Variants in ZFTA observed in about 807,000 individuals in gnomAD.
ZFTA encodes zinc finger translocation-associated protein.
A neutral mutation model predicts 41.8 loss-of-function variants in ZFTA; 35 were observed. The observed-to-expected ratio is 0.84, with a 90% CI of 0.64 to 1.11. The LOEUF is 1.11. Ranked by LOEUF, ZFTA falls within the 50% of genes most tolerant of loss-of-function variation. The probability of loss-of-function intolerance (pLI) is 0.00; values close to 1 mark genes in which losing one functional copy is unlikely to be tolerated. For missense variants in ZFTA, 964 were observed against 989.8 expected, an observed-to-expected ratio of 0.97 and a Z score of 0.35; for synonymous variants, 514 against 436.4, an observed-to-expected ratio of 1.18 and a Z score of -2.22.
Position 63,764,602 on chromosome 11 carries a change from T to C in ZFTA, c.1025-4A>G. 2.4e-6 allele frequency: 3 copies of C among 1,255,818 alleles called. No individual in the cohort carries two copies. The highest frequency in any genetic ancestry group is 3.0e-6 in the Non-Finnish European group (3 of 997,822). 77.8% of individuals were successfully genotyped at this position (1,255,818 alleles called of 1,614,324 possible). A position where few individuals can be genotyped will look rare whatever the true frequency, so the allele number is the denominator to read the frequency against. On this transcript the variant is annotated splice_polypyrimidine_tract_variant and splice_region_variant and intron_variant, in intron 3 of 4. Coordinates refer to ENST00000433688, the MANE Select transcript of ZFTA (RefSeq NM_001144936.2). ...TCCTGGGGGGCGAGGTCATCGCCTG[T>C]TGGGGAAGGGGTGAGGGAGAGGGGC... is the stretch of plus-strand genomic sequence containing the variant.
chr11:63,765,255 C>G lies in ZFTA; in HGVS notation c.638-1G>C. ...CAGCCCCCACCAGCTGGGGCTTTGC[C>G]TGAAAGGGTTGGAGGGAAGGAACTG... On this transcript the variant is annotated splice_acceptor_variant, in intron 2 of 4. Transcript: ENST00000433688. LOFTEE classifies it high-confidence loss of function. This position sits in a 1 kb window ranked among gnomAD's most constrained non-coding sequence, Gnocchi z 4.0. 6.9e-7 allele frequency: 1 copy of G among 1,448,348 alleles called. No homozygotes were observed. Among genetic ancestry groups the G allele is most frequent in the East Asian group, 2.6e-5 (1 of 38,760 alleles). 89.7% of individuals were successfully genotyped at this position (1,448,348 alleles called of 1,614,324 possible).
Position 63,766,304 on chromosome 11 carries a change from C to A in ZFTA, c.140G>T (p.Gly47Val). 1 of 1,435,020 alleles carries A rather than the reference C, an allele frequency of 7.0e-7. No individual in the cohort carries two copies. The highest frequency in any genetic ancestry group is 9.1e-7 in the Non-Finnish European group (1 of 1,099,904). 88.9% of individuals were successfully genotyped at this position (1,435,020 alleles called of 1,614,324 possible). The change falls in exon 2 of 5, where the codon GGG becomes GTG. Residue 47 changes from glycine to valine, a missense_variant and splice_region_variant. By Grantham distance (109) the Gly-to-Val change is moderately radical. Transcript: ENST00000433688. ...GSAEPEEDEG[G>V]QDLQLEGGAL... ...ACCCCCTTCCAGCTGAAGATCTTGC[C>A]CTGAAGAAGGGGAAAGGGAGACAGT...
intron 3 of ZFTA, 72 bp from the exon 4 acceptor site, chr11:63,764,670 C>T: frequency 1.5e-6 from 2 of 1,290,840 alleles, no homozygotes; most frequent in Non-Finnish European, 2.0e-6. Flanking sequence ...CAGAGGGGTC[C>T]ATCCTGGCTC....
rs1437460249 is a variant in ZFTA at position 63,765,617 on chromosome 11, T to A, written c.637+190A>T. Among the ~76,000 whole-genome samples, 2 of 152,120 alleles carry A rather than the reference T, an allele frequency of 1.3e-5. No individual in the cohort carries two copies. Among genetic ancestry groups the A allele is most frequent in the Non-Finnish European group, 2.9e-5 (2 of 68,028 alleles). ...AAACCACAGAATGTACAAGCTGTCATGGACATCGGAGACCCTCTCACCCCA... is the reference window on the plus strand; with the variant it reads ...AAACCACAGAATGTACAAGCTGTCAAGGACATCGGAGACCCTCTCACCCCA... On this transcript the variant is annotated intron_variant, in intron 2 of 4. Transcript: ENST00000433688. This position sits in a 1 kb window ranked among gnomAD's most constrained non-coding sequence, Gnocchi z 4.0.
In ZFTA at chr11:63,766,069, C is replaced by T. The variant is rs1167676441; in HGVS notation, c.375G>A (p.Val125=). The T allele has an allele frequency of 2.6e-6, 4 of 1,544,790 alleles. No individual in the cohort carries two copies. The highest frequency in any genetic ancestry group is 1.4e-5 in the African/African-American group (1 of 73,008). ...CCAGGGAGCTGCCGCACACCATGCA[C>T]ACCATGCCGTGCCGGGCAGGGTTGA... ...MDFNPARHGM[V]CMVCGSSLAT... The change falls in exon 2 of 5, where the codon GTG becomes GTA. Residue 125 remains valine (V), a synonymous_variant. Coordinates refer to ENST00000433688, the MANE Select transcript of ZFTA (RefSeq NM_001144936.2).
chr11:63,763,369 C>T lies in ZFTA; in HGVS notation c.*49G>A. 4 of 1,186,164 alleles carry T rather than the reference C, an allele frequency of 3.4e-6. No individual in the cohort carries two copies. The highest frequency in any genetic ancestry group is 4.2e-6 in the Non-Finnish European group (4 of 952,010). 73.5% of individuals were successfully genotyped at this position (1,186,164 alleles called of 1,614,324 possible). A position where few individuals can be genotyped will look rare whatever the true frequency, so the allele number is the denominator to read the frequency against. On this transcript the variant is annotated 3_prime_UTR_variant, in exon 5 of 5. Coordinates refer to ENST00000433688, the MANE Select transcript of ZFTA (RefSeq NM_001144936.2). The stretch of plus-strand genomic sequence containing the variant: ...AGGGCCGGGCGAGCACAGGGCGGGG[C>T]GGGGCCGATCCGACCCGACCCGACC...
chr11:63,766,623 G>A (rs1451892681), intron 1 of ZFTA, among the ~76,000 whole-genome samples: 2 of 152,184 alleles, frequency 1.3e-5, no homozygotes, highest in Non-Finnish European at 1.5e-5. Flanking sequence ...GACAAGAGCC[G>A]TAGGGAGAAA....
At position 63,760,237 on chromosome 11, in the gene ZFTA, AC is replaced by A. The variant is rs1435583957; in HGVS notation, c.*3180del. ...TGTAAATTACATATAGCCACAATAC[AC>A]TTAAATTGAGTCAATCACCGTGGAA... On this transcript the variant is annotated 3_prime_UTR_variant, in exon 5 of 5. Coordinates refer to ENST00000433688, the MANE Select transcript of ZFTA (RefSeq NM_001144936.2). 6.6e-6 allele frequency: 1 copy of A among 152,154 alleles called. No individual in the cohort carries two copies. The highest frequency in any genetic ancestry group is 2.4e-5 in the African/African-American group (1 of 41,424). 9.4% of individuals were successfully genotyped at this position (152,154 alleles called of 1,614,324 possible). A position where few individuals can be genotyped will look rare whatever the true frequency, so the allele number is the denominator to read the frequency against.
rs1193265136 is a variant in ZFTA, at chr11:63,768,301, C to A, written c.139+183G>T. On this transcript the variant is annotated intron_variant, in intron 1 of 4. Coordinates refer to ENST00000433688, the MANE Select transcript of ZFTA (RefSeq NM_001144936.2). Reference sequence around the variant, plus strand: ...CCGCCCGAGCCCCGCGAGCCGACCCCGGGAGCTGGGCGGGGGGCTCCCCCG... The same window carrying A: ...CCGCCCGAGCCCCGCGAGCCGACCCAGGGAGCTGGGCGGGGGGCTCCCCCG... Among the ~76,000 whole-genome samples, 5 of 149,926 alleles carry A rather than the reference C, an allele frequency of 3.3e-5. No individual in the cohort carries two copies. The South Asian group carries it at 8.3e-4, about 25-fold the overall frequency.
At position 63,763,622 on chromosome 11, in the gene ZFTA, C is replaced by G. The variant is rs372788202; in HGVS notation, c.1833G>C (p.Thr611=). The G allele has an allele frequency of 3.5e-3, 5,357 of 1,548,530 alleles. 32 individuals carry two copies. The highest frequency in any genetic ancestry group is 0.011 in the South Asian group (929 of 83,968). Residue 611 remains threonine (T), a synonymous_variant, in exon 5 of 5, where the codon ACG becomes ACC. Transcript: ENST00000433688. Reference sequence around the variant, plus strand: ...GGCGCTTGATGGTGCTCACCTTGAGCGTGGCCAGCGCGCCCCCGCACACCA... The same window carrying G: ...GGCGCTTGATGGTGCTCACCTTGAGGGTGGCCAGCGCGCCCCCGCACACCA... ...VCMVCGGALA[T]LKVSTIKRHI... is the part of the protein sequence containing the mutation.
rs1407641867 is a variant in ZFTA, at chr11:63,760,087, A to C, written c.*3331T>G. On this transcript the variant is annotated 3_prime_UTR_variant, in exon 5 of 5. Transcript: ENST00000433688. ...CATAACTGTGCATTTGATCTCTGAAAGAAAATAAGAGACCCTCTAAGAGGT... is the reference window on the plus strand; with the variant it reads ...CATAACTGTGCATTTGATCTCTGAACGAAAATAAGAGACCCTCTAAGAGGT... The C allele has an allele frequency of 6.6e-6, 1 of 152,210 alleles. No individual in the cohort carries two copies. The highest frequency in any genetic ancestry group is 1.5e-5 in the Non-Finnish European group (1 of 68,028). The allele number at this position is 152,210 out of a possible 1,614,324, so 9.4% of individuals were successfully genotyped here. A position where few individuals can be genotyped will look rare whatever the true frequency, so the allele number is the denominator to read the frequency against.
chr11:63,767,853 C>T (rs2014771810), intron 1 of ZFTA, among the ~76,000 whole-genome samples: 1 of 152,178 alleles, frequency 6.6e-6, no homozygotes. Context: ...ATGCACCGGC[C>T]GGAGGGGTGC....
In ZFTA at chr11:63,762,046, C is replaced by A. The variant is rs991397790; in HGVS notation, c.*1372G>T. The A allele has an allele frequency of 6.6e-6, 1 of 152,248 alleles. No individual in the cohort carries two copies. Among genetic ancestry groups the A allele is most frequent in the African/African-American group, 2.4e-5 (1 of 41,354 alleles). 9.4% of individuals were successfully genotyped at this position (152,248 alleles called of 1,614,324 possible). On this transcript the variant is annotated 3_prime_UTR_variant, in exon 5 of 5. Coordinates refer to ENST00000433688, the MANE Select transcript of ZFTA (RefSeq NM_001144936.2). ...AGCCTCCCCGCCCCGGCTTTAGGACCGCGGGAACTGTTCCTGCAGCAGCCT... is the reference window on the plus strand; with the variant it reads ...AGCCTCCCCGCCCCGGCTTTAGGACAGCGGGAACTGTTCCTGCAGCAGCCT...
In ZFTA at chr11:63,764,356, G is replaced by T; in HGVS notation, c.1267C>A (p.Arg423=). ...TCCAACTCCATGAGGTACTCCAGCC[G>T]CCAGCGCTCCTGGGGGTGGCGGCGG... ...AHRRHPQERW[R]LEYLMELDGG... Residue 423 remains arginine, a synonymous_variant, in exon 4 of 5, where the codon CGG becomes AGG. Transcript: ENST00000433688. 7.5e-7 allele frequency: 1 copy of T among 1,328,380 alleles called. No individual in the cohort carries two copies. The highest frequency in any genetic ancestry group is 9.6e-7 in the Non-Finnish European group (1 of 1,043,624). 82.3% of individuals were successfully genotyped at this position (1,328,380 alleles called of 1,614,324 possible).
rs1205753900 is a variant in ZFTA, at chr11:63,760,060, A to G, written c.*3358T>C. On this transcript the variant is annotated 3_prime_UTR_variant, in exon 5 of 5. Coordinates refer to ENST00000433688, the MANE Select transcript of ZFTA (RefSeq NM_001144936.2). ...CCAAGACTGCAGAATTTAGTTGTAC[A>G]GCATAACTGTGCATTTGATCTCTGA... 1 of 152,196 alleles carries G rather than the reference A, an allele frequency of 6.6e-6. No individual in the cohort carries two copies. Among genetic ancestry groups the G allele is most frequent in the Non-Finnish European group, 1.5e-5 (1 of 68,036 alleles). The allele number at this position is 152,196 out of a possible 1,614,324, so 9.4% of individuals were successfully genotyped here.
In ZFTA at chr11:63,768,638, GCGGGGCCC is replaced by G. The variant is rs887902321; in HGVS notation, c.-24_-17del. 3.5e-5 allele frequency: 34 copies of G among 981,750 alleles called. No homozygotes were observed. Among genetic ancestry groups the G allele is most frequent in the Non-Finnish European group, 3.7e-5 (31 of 829,626 alleles). The allele number at this position is 981,750 out of a possible 1,614,324, so 60.8% of individuals were successfully genotyped here. The stretch of plus-strand genomic sequence containing the variant: ...CGGGCTCCATGCGCTGCGCTGCGGA[GCGGGGCCC>G]CGGGGCGGCGGGGCGCGGGGCCGCG... On this transcript the variant is annotated 5_prime_UTR_variant, in exon 1 of 5. Coordinates refer to ENST00000433688, the MANE Select transcript of ZFTA (RefSeq NM_001144936.2).
At position 63,768,512 on chromosome 11, in the gene ZFTA, G is replaced by A. The variant is rs1349212486; in HGVS notation, c.111C>T (p.Gly37=). 1.7e-6 allele frequency: 2 copies of A among 1,206,340 alleles called. No individual in the cohort carries two copies. Among genetic ancestry groups the A allele is most frequent in the Admixed American group, 3.8e-5 (1 of 26,346 alleles). 74.7% of individuals were successfully genotyped at this position (1,206,340 alleles called of 1,614,324 possible). ...CTTCGTCTTCCTCTGGCTCCGCGCTGCCGCTCGATCCGGCGGGCGGCAGCC... is the reference window on the plus strand; with the variant it reads ...CTTCGTCTTCCTCTGGCTCCGCGCTACCGCTCGATCCGGCGGGCGGCAGCC... The part of the protein sequence containing the change: ...GRRLPPAGSS[G]SAEPEEDEGG... The change falls in exon 1 of 5, where the codon GGC becomes GGT. Residue 37 remains glycine, a synonymous_variant. Coordinates refer to ENST00000433688, the MANE Select transcript of ZFTA (RefSeq NM_001144936.2).
At position 63,768,637 on chromosome 11, in the gene ZFTA, AGCGGGGCCCCGGGGCGGCGGGGC is replaced by A. The variant is rs1339433412; in HGVS notation, c.-38_-16del. 5.1e-6 allele frequency: 5 copies of A among 979,850 alleles called. No individual in the cohort carries two copies. The highest frequency in any genetic ancestry group is 4.8e-6 in the Non-Finnish European group (4 of 829,698). 60.7% of individuals were successfully genotyped at this position (979,850 alleles called of 1,614,324 possible). A position where few individuals can be genotyped will look rare whatever the true frequency, so the allele number is the denominator to read the frequency against. On this transcript the variant is annotated 5_prime_UTR_variant, in exon 1 of 5. Coordinates refer to ENST00000433688, the MANE Select transcript of ZFTA (RefSeq NM_001144936.2). ...CCGGGCTCCATGCGCTGCGCTGCGG[AGCGGGGCCCCGGGGCGGCGGGGC>A]GCGGGGCCGCGGGGCCGGCGGCAGC...
In ZFTA at chr11:63,763,695, C is replaced by T; in HGVS notation, c.1760G>A (p.Gly587Asp). The T allele has an allele frequency of 2.0e-6, 3 of 1,527,254 alleles. No individual in the cohort carries two copies. The highest frequency in any genetic ancestry group is 2.6e-6 in the Non-Finnish European group (3 of 1,133,722). The allele number at this position is 1,527,254 out of a possible 1,614,324, so 94.6% of individuals were successfully genotyped here. A position where few individuals can be genotyped will look rare whatever the true frequency, so the allele number is the denominator to read the frequency against. ...QRRNYQPRWRGEYLMDYDGSR... is the reference protein window; with the variant it reads ...QRRNYQPRWRDEYLMDYDGSR... ...GCCGTCGTAGTCCATCAGGTACTCG[C>T]CCCGCCACCGCGGCTGGTAGTTCCG... is the stretch of plus-strand genomic sequence containing the variant. The change falls in exon 5 of 5, where the codon GGC (glycine) becomes GAC (aspartate). Residue 587 changes from glycine to aspartate, a missense_variant. By Grantham distance (94) the Gly-to-Asp change is moderately conservative (BLOSUM62 -1). Transcript: ENST00000433688.
Sources: gnomAD v4.1 joint callset for allele counts (sites outside exome capture counted in the v4.1 genomes callset) on GRCh38, gnomAD v4.1.1 for gene constraint, Gnocchi (gnomAD v3.1) non-coding constraint, MANE v1.5 for transcripts, NCBI Gene and HGNC (gene_info 2026-07-23, HGNC 2026-07-21) for gene names.